The following PTPRD variants were observed in gnomAD, a reference collection of about 807,000 sequenced individuals.
The protein encoded by PTPRD is receptor-type tyrosine-protein phosphatase delta.
In PTPRD, 34 loss-of-function variants were observed where a neutral mutation model predicts 214.5. The observed-to-expected ratio is 0.16, with a 90% CI of 0.12 to 0.21. PTPRD has a LOEUF of 0.21. Among genes scored for constraint, PTPRD ranks in the 10% least tolerant of loss-of-function variants. The pLI is 1.00. For synonymous variants in PTPRD, 1,128 were observed against 845.7 expected (o/e 1.33, Z -5.79); for missense variants, 2,545 against 2,398.7 (o/e 1.06, Z -1.27).
At chr9:9,494,744 G>T (rs1322906325) in intron 8 of PTPRD, among the ~76,000 whole-genome samples, 1 of 152,178 alleles carries the variant, frequency 6.6e-6, no homozygotes, top group Non-Finnish European at 1.5e-5. Context: ...GACCCAAAGT[G>T]ATCTATAGAT....
chr9:10,474,463 G>T (rs897652354), intron 2 of PTPRD, among the ~76,000 whole-genome samples: 1 of 151,928 alleles, frequency 6.6e-6, no homozygotes, highest in Admixed American at 6.6e-5. Context: ...GTATGCACCC[G>T]CTACAGGAGC....
intron 11 of PTPRD, among the ~76,000 whole-genome samples, chr9:8,997,583 C>G (rs1054368073): frequency 6.6e-6 from 1 of 152,040 alleles, no homozygotes; most frequent in African/African-American, 2.4e-5. Flanking sequence ...CCTCTTCTTG[C>G]ACCTCCCTGT....
intron 2 of PTPRD, among the ~76,000 whole-genome samples, chr9:10,579,713 T>C (rs188532710): frequency 1.3e-4 from 20 of 152,312 alleles, no homozygotes; most frequent in African/African-American, 4.1e-4. Flanking sequence ...GCTAAACTAA[T>C]TTACATTTTC....
At chr9:10,173,792 G>A (rs971098547) in intron 3 of PTPRD, among the ~76,000 whole-genome samples, 4 of 151,676 alleles carry the variant, frequency 2.6e-5, no homozygotes, top group East Asian at 1.9e-4. Context: ...CAGCACACTA[G>A]ATTGAAAGGT....
rs549894558 is a variant in PTPRD at position 9,219,659 on chromosome 9, A to T, written c.-202-36296T>A. Among the ~76,000 whole-genome samples, 5 of 152,310 alleles carry T rather than the reference A, an allele frequency of 3.3e-5. No homozygotes were observed. The East Asian group carries it at 5.8e-4, about 18-fold the overall frequency. On this transcript the variant is annotated intron_variant, in intron 9 of 45. Coordinates refer to ENST00000381196, the MANE Select transcript of PTPRD (RefSeq NM_002839.4). ...CGAATGTATCAAGAGCAATCCCTGT[A>T]TCAACACCAAACTTGATTCTCTGGT...
intron 5 of PTPRD, among the ~76,000 whole-genome samples, chr9:9,923,918 T>A (rs551533002): frequency 5.3e-5 from 8 of 151,862 alleles, no homozygotes; most frequent in African/African-American, 1.9e-4. Context: ...GAGCAACCAG[T>A]GAGAGGGGAG....
rs777910266 is a variant in PTPRD at position 9,058,442 on chromosome 9, G to GTTTTTTTTTTTTTTTTTTTT, written c.-142-39727_-142-39708dup. On this transcript the variant is annotated intron_variant, in intron 10 of 45. Transcript: ENST00000381196. The stretch of plus-strand genomic sequence containing the variant: ...TATTGGTGAGAGAAATATTATGAGG[G>GTTTTTTTTTTTTTTTTTTTT]TTTTTTTTTTTTTTTTTTTTTTTTT... 8.6e-4 allele frequency among the ~76,000 whole-genome samples: 60 copies of GTTTTTTTTTTTTTTTTTTTT among 69,916 alleles called. 18 individuals are homozygous for GTTTTTTTTTTTTTTTTTTTT. The highest frequency in any genetic ancestry group is 1.2e-3 in the Non-Finnish European group (47 of 38,076). 45.9% of individuals were successfully genotyped at this position (69,916 alleles called of 152,430 possible).
chr9:10,108,309 T>C (rs926115026), intron 3 of PTPRD, among the ~76,000 whole-genome samples: 2 of 152,150 alleles, frequency 1.3e-5, no homozygotes, highest in Non-Finnish European at 2.9e-5. Context: ...AACGTATTTT[T>C]TTTGTAGCGA....
intron 10 of PTPRD, among the ~76,000 whole-genome samples, chr9:9,024,418 A>G (rs891042231): frequency 6.7e-6 from 1 of 148,260 alleles, no homozygotes; most frequent in Admixed American, 6.7e-5. Flanking sequence ...ATTTGCATGA[A>G]TCATGATTAA....
At chr9:9,678,684 C>G (rs1007773320) in intron 7 of PTPRD, among the ~76,000 whole-genome samples, 6 of 151,292 alleles carry the variant, frequency 4.0e-5, no homozygotes, top group African/African-American at 1.5e-4. Context: ...CCTTATAGAA[C>G]AATTAGAAGA....
chr9:10,411,018 G>A (rs2098428976), intron 2 of PTPRD, among the ~76,000 whole-genome samples: 1 of 151,600 alleles, frequency 6.6e-6, no homozygotes. Context: ...TTTGAGTCAG[G>A]CACTAGTACG....
At chr9:9,441,280 A>G (rs2087640742) in intron 8 of PTPRD, among the ~76,000 whole-genome samples, 1 of 152,154 alleles carries the variant, frequency 6.6e-6, no homozygotes, top group South Asian at 2.1e-4. Context: ...TAAGGCAGTG[A>G]GGTGCAGGAG....
chr9:10,200,132 A>T (rs1280501447), intron 3 of PTPRD, among the ~76,000 whole-genome samples: 3 of 152,032 alleles, frequency 2.0e-5, no homozygotes, highest in African/African-American at 7.2e-5. Flanking sequence ...CCCTTGAAAG[A>T]CTCATGCTTT....
intron 14 of PTPRD, among the ~76,000 whole-genome samples, chr9:8,582,934 A>T (rs1183874830): frequency 6.6e-6 from 1 of 152,192 alleles, no homozygotes; most frequent in East Asian, 1.9e-4. Flanking sequence ...AGAGGTATGT[A>T]TGAGTTGGAG....
At chr9:10,559,155 G>C (rs1013865945) in intron 2 of PTPRD, among the ~76,000 whole-genome samples, 2 of 151,984 alleles carry the variant, frequency 1.3e-5, no homozygotes, top group African/African-American at 2.4e-5. Flanking sequence ...TGAAGAGAAA[G>C]ATTTCTTAAA....
intron 6 of PTPRD, among the ~76,000 whole-genome samples, chr9:9,735,059 T>G (rs569709038): frequency 6.6e-6 from 1 of 152,108 alleles, no homozygotes; most frequent in Non-Finnish European, 1.5e-5. Context: ...TGAAAGATAT[T>G]ATAATGACAA....
At chr9:8,892,670 TGTGTATATATATATGA>T (rs1566866500) in intron 11 of PTPRD, among the ~76,000 whole-genome samples, 1 of 118,336 alleles carries the variant, frequency 8.5e-6, no homozygotes, top group Non-Finnish European at 1.7e-5. Context: ...TGTATATATA[TGTGTATATATATATGA>T]GTGTATATAT....
chr9:10,512,418 G>T (rs1427608242), intron 2 of PTPRD, among the ~76,000 whole-genome samples: 1 of 152,010 alleles, frequency 6.6e-6, no homozygotes, highest in Non-Finnish European at 1.5e-5. Context: ...TTGACCATGG[G>T]TAAATGCTAA....
chr9:9,333,792 G>T (rs956095104), intron 9 of PTPRD, among the ~76,000 whole-genome samples: 2 of 151,762 alleles, frequency 1.3e-5, no homozygotes, highest in Non-Finnish European at 1.5e-5. Context: ...ACACTAATTT[G>T]TAGATGTGGT....
Sources: allele counts gnomAD v4.1 joint callset (sites outside exome capture counted in the v4.1 genomes callset), GRCh38; gene constraint gnomAD v4.1.1; transcripts MANE v1.5; gene names NCBI Gene and HGNC (gene_info 2026-07-23, HGNC 2026-07-21).